MTFR1: variants seen among roughly 807,000 people sequenced by gnomAD.
The protein encoded by MTFR1 is mitochondrial fission regulator 1, also known as chondrocyte protein with a poly-proline region.
A neutral mutation model predicts 38.8 loss-of-function variants in MTFR1; 28 were observed. That is an observed-to-expected ratio of 0.72 (90% CI 0.53 to 0.99). MTFR1 has a LOEUF of 0.99. MTFR1 is among the 50% of genes least tolerant of loss of function. MTFR1 has a pLI of 0.00. For synonymous variants in MTFR1, 145 were observed against 137.0 expected (o/e 1.06, Z -0.41); for missense variants, 358 against 395.5 (o/e 0.91, Z 0.81).
chr8:65,648,608 T>C (rs76385756), intron 1 of MTFR1, among the ~76,000 whole-genome samples: 3 of 152,218 alleles, frequency 2.0e-5, no homozygotes, highest in Non-Finnish European at 2.9e-5. Flanking sequence ...GTTGATATCA[T>C]TAAAAAATTT....
intron 1 of MTFR1, among the ~76,000 whole-genome samples, chr8:65,656,562 C>T (rs1043924321): frequency 6.9e-6 from 1 of 144,898 alleles, no homozygotes; most frequent in Admixed American, 7.1e-5. Context: ...AGTGCAATGG[C>T]GCGATCTTGG....
At chr8:65,706,282 C>CT (rs1805777986) in intron 5 of MTFR1, among the ~76,000 whole-genome samples, 3 of 152,314 alleles carry the variant, frequency 2.0e-5, no homozygotes, top group Admixed American at 2.0e-4. Context: ...TTTTGAAGCT[C>CT]TATTTATAAG....
intron 3 of MTFR1, among the ~76,000 whole-genome samples, chr8:65,684,177 A>C (rs1356373935): frequency 2.6e-5 from 4 of 152,150 alleles, no homozygotes; most frequent in Non-Finnish European, 5.9e-5. Context: ...TACTTGGGAG[A>C]ATTCTTTTTC....
intron 1 of MTFR1, among the ~76,000 whole-genome samples, chr8:65,667,407 A>G (rs1804414399): frequency 6.6e-6 from 1 of 151,818 alleles, no homozygotes; most frequent in Admixed American, 6.6e-5. Context: ...ACTTTGGTGA[A>G]TTCAGCAAAC....
chr8:65,739,733 A>G, intron 3 of MTFR1: 1 of 933,938 alleles, frequency 1.1e-6, no homozygotes, highest in Non-Finnish European at 1.4e-6. Flanking sequence ...AAAAATATGC[A>G]TCTTCTTACC....
At chr8:65,739,956 C>T (rs1284464312) in intron 3 of MTFR1, among the ~76,000 whole-genome samples, 2 of 152,186 alleles carry the variant, frequency 1.3e-5, no homozygotes, top group African/African-American at 2.4e-5. Context: ...TGACCTCCCT[C>T]CTGACATTGC....
Position 65,647,582 on chromosome 8 carries a change from T to C in MTFR1, c.-81+2798T>C, listed in dbSNP as rs538828122. Reference sequence around the variant, plus strand: ...GCCTCAGCCTCCTAAAGTGCTGGGATTATAGGTGTGAGCCACCATGTCTGG... The same window carrying C: ...GCCTCAGCCTCCTAAAGTGCTGGGACTATAGGTGTGAGCCACCATGTCTGG... On this transcript the variant is annotated intron_variant, in intron 1 of 7. Transcript: ENST00000262146. Among the ~76,000 whole-genome samples, 5 of 152,290 alleles carry C rather than the reference T, an allele frequency of 3.3e-5. No individual in the cohort carries two copies. The South Asian group carries it at 1.0e-3, about 32-fold the overall frequency.
intron 2 of MTFR1, among the ~76,000 whole-genome samples, chr8:65,672,659 T>C (rs1804596430): frequency 3.9e-5 from 6 of 152,164 alleles, no homozygotes; most frequent in Admixed American, 3.9e-4. Context: ...TACAGGTGTG[T>C]GCCATCACAC....
At chr8:65,662,739 C>T (rs1327214182) in intron 1 of MTFR1, among the ~76,000 whole-genome samples, 5 of 132,830 alleles carry the variant, frequency 3.8e-5, no homozygotes, top group African/African-American at 5.5e-5. Flanking sequence ...GGAGCCCCTC[C>T]GCCCGGCAGC....
intron 3 of MTFR1, chr8:65,682,670 T>C (rs1184494482): frequency 1.5e-6 from 1 of 685,614 alleles, no homozygotes; most frequent in Admixed American, 6.3e-5. Flanking sequence ...TTCTTAAGGA[T>C]GCATATGTGA....
In MTFR1 at chr8:65,709,733, C is replaced by G. The variant is rs1805890897; in HGVS notation, c.*689C>G. On this transcript the variant is annotated 3_prime_UTR_variant, in exon 8 of 8. Coordinates refer to ENST00000262146, the MANE Select transcript of MTFR1 (RefSeq NM_014637.4). ...GCTTTCACGTCATTGCCATCCAGTA[C>G]TGACAGGGAAGAAAGATGTAGTTTT... 1 of 152,618 alleles carries G rather than the reference C, an allele frequency of 6.6e-6. No individual in the cohort carries two copies. The highest frequency in any genetic ancestry group is 2.4e-5 in the African/African-American group (1 of 41,444). 9.5% of individuals were successfully genotyped at this position (152,618 alleles called of 1,614,324 possible). A position where few individuals can be genotyped will look rare whatever the true frequency, so the allele number is the denominator to read the frequency against.
chr8:65,754,913 C>G (rs545045176), intron 3 of MTFR1, among the ~76,000 whole-genome samples: 1 of 149,770 alleles, frequency 6.7e-6, no homozygotes, highest in South Asian at 2.1e-4. Context: ...TGCAGTGAGC[C>G]GAGATCGCGC....
At chr8:65,720,769 C>T (rs1300934456) in intron 3 of MTFR1, among the ~76,000 whole-genome samples, 3 of 152,166 alleles carry the variant, frequency 2.0e-5, no homozygotes, top group Non-Finnish European at 4.4e-5. Flanking sequence ...AGATAACAAA[C>T]ATAGAAAAGT....
chr8:65,651,640 C>T (rs1243392820), intron 1 of MTFR1, among the ~76,000 whole-genome samples: 3 of 152,046 alleles, frequency 2.0e-5, no homozygotes, highest in Non-Finnish European at 4.4e-5. Flanking sequence ...GGGTTCTCTA[C>T]TCTGTTCCAT....
At chr8:65,718,264 GTCACACATGC>G (rs1434344888) in intron 2 of MTFR1, 1 of 152,198 alleles carries the variant, frequency 6.6e-6, no homozygotes, top group African/African-American at 2.4e-5. Flanking sequence ...AACATGCACA[GTCACACATGC>G]ACAAACATGC....
At chr8:65,715,995 T>TAAA (rs1806121382) in intron 2 of MTFR1, among the ~76,000 whole-genome samples, 1 of 30,168 alleles carries the variant, frequency 3.3e-5, no homozygotes, top group Non-Finnish European at 5.4e-5. Flanking sequence ...AGGCTCTGTC[T>TAAA]CAAAAAAAAA....
chr8:65,755,969 TTTTG>T (rs1418870846), intron 3 of MTFR1, among the ~76,000 whole-genome samples: 12 of 152,218 alleles, frequency 7.9e-5, no homozygotes, highest in Admixed American at 7.9e-4. Context: ...CTCCCTCAAC[TTTTG>T]TTTGTCTGGA....
chr8:65,739,423 G>C, intron 3 of MTFR1: 1 of 1,415,192 alleles, frequency 7.1e-7, no homozygotes. Context: ...ATAGCTAACC[G>C]ATATAACTGA....
At chr8:65,666,768 T>C (rs569122547) in intron 1 of MTFR1, among the ~76,000 whole-genome samples, 1 of 152,282 alleles carries the variant, frequency 6.6e-6, no homozygotes, top group South Asian at 2.1e-4. Context: ...GTTTGGACAT[T>C]TTAGCTAAGG....
Sources: gnomAD v4.1 joint callset for allele counts (sites outside exome capture counted in the v4.1 genomes callset) on GRCh38, gnomAD v4.1.1 for gene constraint, MANE v1.5 for transcripts, NCBI Gene and HGNC (gene_info 2026-07-23, HGNC 2026-07-21) for gene names.